The following CALD1 variants were observed in gnomAD, a reference collection of about 807,000 sequenced individuals.
CALD1 encodes the protein caldesmon 1.
CALD1 carries 33 observed loss-of-function variants against 99.9 expected under a neutral mutation model. The ratio of observed to expected loss-of-function variants is 0.33; its 90% CI spans 0.25 to 0.44. CALD1 has a LOEUF of 0.44. Among genes scored for constraint, CALD1 ranks in the 20% least tolerant of loss-of-function variants. The probability of loss-of-function intolerance (pLI) is 1.00; values close to 1 mark genes in which losing one functional copy is unlikely to be tolerated. For synonymous variants in CALD1, 310 were observed against 325.0 expected (o/e 0.95, Z 0.50); for missense variants, 861 against 962.1 (o/e 0.89, Z 1.39).
chr7:134,904,440 G>T (rs1344196346), intron 3 of CALD1, among the ~76,000 whole-genome samples: 1 of 151,916 alleles, frequency 6.6e-6, no homozygotes, highest in Non-Finnish European at 1.5e-5. Context: ...AATTAGCTGG[G>T]CATGGTGGCA....
chr7:134,779,506 A>G (rs1797019847), upstream of CALD1: 1 of 392,466 alleles, frequency 2.5e-6, no homozygotes, highest in African/African-American at 2.1e-5. Context: ...TTGGCTGCCT[A>G]TTAGAAAAAC....
intron 2 of CALD1, among the ~76,000 whole-genome samples, chr7:134,850,368 A>G (rs1483668830): frequency 2.0e-5 from 3 of 152,202 alleles, no homozygotes; most frequent in African/African-American, 7.2e-5. Flanking sequence ...TGTGATTAAA[A>G]GCACACAATC....
chr7:134,737,195 G>A, the CALD1 span, among the ~76,000 whole-genome samples: 28 of 152,174 alleles, frequency 1.8e-4, no homozygotes, highest in Non-Finnish European at 1.5e-5. Context: ...CACTATCACA[G>A]TTCATTGCAG....
At chr7:134,828,795 T>A (rs1396814916) in intron 1 of CALD1, among the ~76,000 whole-genome samples, 1 of 152,226 alleles carries the variant, frequency 6.6e-6, no homozygotes, top group Non-Finnish European at 1.5e-5. Context: ...AGCTTTTAGG[T>A]CTGCCCCTGG....
intron 1 of CALD1, among the ~76,000 whole-genome samples, chr7:134,834,734 C>G (rs963099211): frequency 2.6e-5 from 4 of 152,226 alleles, no homozygotes; most frequent in Non-Finnish European, 5.9e-5. Flanking sequence ...AATCAGCCCA[C>G]AAATGGCTGA....
At chr7:134,963,347 C>A (rs1282981791) in intron 13 of CALD1, among the ~76,000 whole-genome samples, 1 of 152,162 alleles carries the variant, frequency 6.6e-6, no homozygotes, top group East Asian at 1.9e-4. Context: ...ATTCATGCCA[C>A]AGAGGAAATC....
intron 2 of CALD1, among the ~76,000 whole-genome samples, chr7:134,852,354 T>C (rs1800117602): frequency 1.3e-5 from 2 of 150,754 alleles, no homozygotes; most frequent in African/African-American, 4.9e-5. Context: ...CTGTAAGTTG[T>C]GTTTGCATGG....
At chr7:134,716,556 C>A in the CALD1 span, among the ~76,000 whole-genome samples, 3 of 152,092 alleles carry the variant, frequency 2.0e-5, no homozygotes, top group African/African-American at 7.2e-5. Context: ...AACACACCAT[C>A]AAATAAATTG....
In CALD1 at chr7:134,942,536, A is replaced by C. The variant is rs148010900; in HGVS notation, c.1532+1299A>C. On this transcript the variant is annotated intron_variant, in intron 7 of 14. Coordinates refer to ENST00000361675, the MANE Select transcript of CALD1 (RefSeq NM_033138.4). Reference sequence around the variant, plus strand: ...TCTATAGATATTACTTGGGATTGCCAAGAGAATAGATGTGAAAATTAAGTT... The same window carrying C: ...TCTATAGATATTACTTGGGATTGCCCAGAGAATAGATGTGAAAATTAAGTT... 7.2e-5 allele frequency among the ~76,000 whole-genome samples: 11 copies of C among 152,350 alleles called. No homozygotes were observed. In the East Asian group the frequency reaches 1.4e-3, roughly 19 times the overall value.
At chr7:134,765,959 T>C (rs1375773008) in intron 1 of CALD1, among the ~76,000 whole-genome samples, 1 of 151,888 alleles carries the variant, frequency 6.6e-6, no homozygotes, top group Non-Finnish European at 1.5e-5. Context: ...CCTCTCTCTC[T>C]CTCTCTTTCT....
chr7:134,958,872 A>AATATATATATATATATATAT (rs58837080), intron 11 of CALD1, among the ~76,000 whole-genome samples: 1 of 124,864 alleles, frequency 8.0e-6, no homozygotes, highest in Admixed American at 8.2e-5. Context: ...CTGGTATTTA[A>AATATATATATATATATATAT]ATATATATAT....
intron 1 of CALD1, among the ~76,000 whole-genome samples, chr7:134,838,803 G>A (rs1026274): frequency 0.47 from 71,507 of 152,028 alleles, 19,091 homozygotes; most frequent in African/African-American, 0.73. Context: ...CTGGTACAAT[G>A]TATGACAAGA....
At chr7:134,954,966 C>T (rs190543585) in intron 9 of CALD1, among the ~76,000 whole-genome samples, 3 of 152,322 alleles carry the variant, frequency 2.0e-5, no homozygotes, top group African/African-American at 7.2e-5. Flanking sequence ...GCCTTCTCCA[C>T]CTCCCCCAGA....
At chr7:134,913,036 G>A (rs1468613459) in intron 3 of CALD1, among the ~76,000 whole-genome samples, 11 of 152,034 alleles carry the variant, frequency 7.2e-5, no homozygotes, top group Admixed American at 2.0e-4. Flanking sequence ...AGGCTGAGGC[G>A]GGTGGATCAC....
At chr7:134,727,299 G>A in the CALD1 span, among the ~76,000 whole-genome samples, 3 of 152,322 alleles carry the variant, frequency 2.0e-5, no homozygotes, top group South Asian at 2.1e-4. Flanking sequence ...TCAAACAGGC[G>A]ATCGTAGCAC....
At chr7:134,965,479 AC>A in intron 14 of CALD1, 93 bp downstream of exon 14, 1 of 745,838 alleles carries the variant, frequency 1.3e-6, no homozygotes, top group African/African-American at 1.7e-5. Flanking sequence ...AATATCACTG[AC>A]CTACAGATCT....
intron 3 of CALD1, among the ~76,000 whole-genome samples, chr7:134,870,152 T>A: frequency 6.6e-6 from 1 of 152,196 alleles, no homozygotes; most frequent in African/African-American, 2.4e-5. Context: ...GACATGGTTC[T>A]TGCCTTTATA....
chr7:134,914,375 T>G (rs1231940483), intron 3 of CALD1, among the ~76,000 whole-genome samples: 1 of 152,214 alleles, frequency 6.6e-6, no homozygotes, highest in African/African-American at 2.4e-5. Context: ...ATGGATGGGA[T>G]CCTTGATATG....
At chr7:134,718,437 G>A in the CALD1 span, among the ~76,000 whole-genome samples, 4 of 152,114 alleles carry the variant, frequency 2.6e-5, no homozygotes, top group East Asian at 3.8e-4. Context: ...GATTTGAGCC[G>A]AGGCAGGTTG....
Sources: gnomAD v4.1 joint callset for allele counts (sites outside exome capture counted in the v4.1 genomes callset) on GRCh38, gnomAD v4.1.1 for gene constraint, MANE v1.5 for transcripts, NCBI Gene and HGNC (gene_info 2026-07-23, HGNC 2026-07-21) for gene names.